Variants in TOR1A observed in about 807,000 individuals in gnomAD.
TOR1A encodes the protein torsin family 1 member A, also known as torsin-1A.
Under a neutral mutation model 31.4 loss-of-function variants are expected in TOR1A, and 18 were observed. That is an observed-to-expected ratio of 0.57 (90% CI 0.40 to 0.85). The LOEUF is 0.85. Among genes scored for constraint, TOR1A ranks in the 40% least tolerant of loss-of-function variants. The pLI is 0.00. For missense variants in TOR1A, 375 were observed against 416.4 expected (o/e 0.90, Z 0.87); for synonymous variants, 168 against 165.9 (o/e 1.01, Z -0.10).
At chr9:129,818,204 G>A (rs2031089177) in intron 4 of TOR1A, 3 of 405,616 alleles carry the variant, frequency 7.4e-6, no homozygotes, top group Non-Finnish European at 1.4e-5. Flanking sequence ...TCAGGAGGCT[G>A]AGGCACAAGA....
At position 129,823,967 on chromosome 9, in the gene TOR1A, G is replaced by A. The variant is rs901616588; in HGVS notation, c.119C>T (p.Pro40Leu). 8 of 1,611,298 alleles carry A rather than the reference G, an allele frequency of 5.0e-6. No homozygotes were observed. Among genetic ancestry groups the A allele is most frequent in the Non-Finnish European group, 5.9e-6 (7 of 1,179,514 alleles). Residue 40 changes from proline (P) to leucine (L), a missense_variant, in exon 1 of 5, where the codon CCG becomes CTG. Pro to Leu is a moderately conservative substitution (Grantham distance 98, BLOSUM62 -3). Coordinates refer to ENST00000351698, the MANE Select transcript of TOR1A (RefSeq NM_000113.3). ...CTCGGCGAAGAGGCAGTAGAGACGC[G>A]GGTAGATGTAGCCGGTGAGGACGCC... is the stretch of plus-strand genomic sequence containing the variant. ...LAGVLTGYIY[P>L]RLYCLFAECC...
chr9:129,823,873 C>G, intron 1 of TOR1A, 35 bp downstream of exon 1: 3 of 1,540,392 alleles, frequency 1.9e-6, no homozygotes, highest in Non-Finnish European at 2.6e-6. Flanking sequence ...CAGCCCCAGC[C>G]CCAGCCCCAG....
chr9:129,822,833 A>C lies in TOR1A; in HGVS notation c.192T>G (p.Asp64Glu). 1 of 1,614,198 alleles carries C rather than the reference A, an allele frequency of 6.2e-7. No individual in the cohort carries two copies. The part of the protein sequence containing the change: ...RSLSREALQK[D>E]LDDNLFGQHL... The stretch of plus-strand genomic sequence containing the variant: ...GCTGTCCAAAGAGGTTGTCGTCCAG[A>C]TCCTTCTGCAGTGCTGGGAAAGACA... Residue 64 changes from aspartate to glutamate, a missense_variant, in exon 2 of 5, where the codon GAT (aspartate) becomes GAG (glutamate). Coordinates refer to ENST00000351698, the MANE Select transcript of TOR1A (RefSeq NM_000113.3).
In TOR1A at chr9:129,822,575, C is replaced by T. The variant is rs1177959381; in HGVS notation, c.444+6G>A. 6.2e-7 allele frequency: 1 copy of T among 1,614,168 alleles called. No individual in the cohort carries two copies. Among genetic ancestry groups the T allele is most frequent in the East Asian group, 2.2e-5 (1 of 44,882 alleles). On this transcript the variant is annotated splice_donor_region_variant and intron_variant, in intron 2 of 4. Transcript: ENST00000351698. ...CCAGGAAGGGATTCCAAACTTCCATCCTTGCCTTGTACAAGGTGATGTTTG... is the reference window on the plus strand; with the variant it reads ...CCAGGAAGGGATTCCAAACTTCCATTCTTGCCTTGTACAAGGTGATGTTTG...
chr9:129,822,153 C>G (rs2031199377), intron 2 of TOR1A: 1 of 295,156 alleles, frequency 3.4e-6, no homozygotes, highest in Non-Finnish European at 6.6e-6. Context: ...GTAATCCCAG[C>G]TACCCGGGAG....
In TOR1A at chr9:129,813,591, C is replaced by A; in HGVS notation, c.*381G>T. On this transcript the variant is annotated 3_prime_UTR_variant, in exon 5 of 5. Transcript: ENST00000351698. ...CAAGGCCAACAACTTAGAATCTGAG[C>A]AGTCTCTCATAATGTTAAAAATCAT... 1.3e-5 allele frequency: 4 copies of A among 319,686 alleles called. No homozygotes were observed. The highest frequency in any genetic ancestry group is 8.3e-5 in the East Asian group (1 of 12,046). The allele number at this position is 319,686 out of a possible 1,614,324, so 19.8% of individuals were successfully genotyped here.
chr9:129,819,629 C>G (rs1349228675), intron 2 of TOR1A, among the ~76,000 whole-genome samples: 1 of 151,944 alleles, frequency 6.6e-6, no homozygotes, highest in African/African-American at 2.4e-5. Flanking sequence ...GGTATGGTGG[C>G]AGGTGCTTAT....
intron 4 of TOR1A, 127 bp from the exon 5 acceptor site, chr9:129,814,349 CCACA>C: frequency 7.1e-7 from 1 of 1,417,892 alleles, no homozygotes; most frequent in Non-Finnish European, 9.7e-7. Context: ...CCTATCCATG[CCACA>C]CACACCTACT....
At chr9:129,815,574 C>T (rs2031015590) in intron 4 of TOR1A, among the ~76,000 whole-genome samples, 2 of 152,304 alleles carry the variant, frequency 1.3e-5, no homozygotes, top group South Asian at 2.1e-4. Context: ...GACCCAGCCA[C>T]GCAGACCCAG....
At chr9:129,822,439 T>C (rs2031206445) in intron 2 of TOR1A, 142 bp downstream of exon 2, 1 of 1,198,642 alleles carries the variant, frequency 8.3e-7, no homozygotes, top group Non-Finnish European at 1.2e-6. Context: ...TCTTAACTTC[T>C]ACACCTTTCC....
In TOR1A at chr9:129,813,898, G is replaced by C; in HGVS notation, c.*74C>G. On this transcript the variant is annotated 3_prime_UTR_variant, in exon 5 of 5. Transcript: ENST00000351698. Reference sequence around the variant, plus strand: ...CCTCTTCCAGGGAAAGGAGCTGGGGGTGGAAGTGTGGAAGGACTGAGTGTT... The same window carrying C: ...CCTCTTCCAGGGAAAGGAGCTGGGGCTGGAAGTGTGGAAGGACTGAGTGTT... The C allele has an allele frequency of 1.9e-6, 3 of 1,574,028 alleles. No homozygotes were observed. The highest frequency in any genetic ancestry group is 2.6e-6 in the Non-Finnish European group (3 of 1,151,440).
At chr9:129,823,861 C>CCCAGCCCCAGCCCCAGCCCCAGCCT (rs745650234) in intron 1 of TOR1A, 47 bp downstream of exon 1, 1 of 1,532,746 alleles carries the variant, frequency 6.5e-7, no homozygotes, top group Non-Finnish European at 8.8e-7. Context: ...AGTGCCATCG[C>CCCAGCCCCAGCCCCAGCCCCAGCCT]CCAGCCCCAG....
At chr9:129,814,295 T>C in intron 4 of TOR1A, 73 bp from the exon 5 acceptor site, 1 of 1,607,246 alleles carries the variant, frequency 6.2e-7, no homozygotes, top group East Asian at 2.2e-5. Flanking sequence ...TGGGGGTCAC[T>C]TACCTACCCT....
chr9:129,818,810 A>G lies in TOR1A; in HGVS notation c.555T>C (p.Pro185=). Residue 185 remains proline (P), a synonymous_variant, in exon 3 of 5, where the codon CCT becomes CCC. Transcript: ENST00000351698. The part of the protein sequence containing the change: ...MHAGLIDAIK[P]FLDYYDLVDG... ...CCACCAGGTCATAATAGTCGAGGAA[A>G]GGCTTGATGGCATCTATGAGGCCTG... 6.2e-7 allele frequency: 1 copy of G among 1,613,850 alleles called. No homozygotes were observed. The highest frequency in any genetic ancestry group is 8.5e-7 in the Non-Finnish European group (1 of 1,180,040).
At chr9:129,821,664 T>G (rs377506152) in intron 2 of TOR1A, 2 of 149,206 alleles carry the variant, frequency 1.3e-5, no homozygotes, top group Admixed American at 1.3e-4. Context: ...GAGGCTGAGG[T>G]AGGCAGATCA....
At chr9:129,814,313 G>C (rs545979331) in intron 4 of TOR1A, 91 bp from the exon 5 acceptor site, 11 of 1,593,734 alleles carry the variant, frequency 6.9e-6, no homozygotes, top group African/African-American at 1.3e-5. Flanking sequence ...CCTCCCATCC[G>C]TCCCACAAAC....
At chr9:129,823,345 A>ACGTCTGTGGTCATGGC in intron 1 of TOR1A, 1 of 287,256 alleles carries the variant, frequency 3.5e-6, no homozygotes, top group South Asian at 3.3e-5. Flanking sequence ...TAAGTCTGGC[A>ACGTCTGTGGTCATGGC]CGTCTGTGGT....
Position 129,824,135 on chromosome 9 carries a change from G to A in TOR1A, c.-50C>T. On this transcript the variant is annotated 5_prime_UTR_variant, in exon 1 of 5. Coordinates refer to ENST00000351698, the MANE Select transcript of TOR1A (RefSeq NM_000113.3). ...GTTCTCGCGCCGACCGCGAACCGGT[G>A]CAGCCGCCAGACCCACGCTTCCGGT... 1 of 1,535,204 alleles carries A rather than the reference G, an allele frequency of 6.5e-7. No homozygotes were observed.
At position 129,822,682 on chromosome 9, in the gene TOR1A, T is replaced by C. The variant is rs376172320; in HGVS notation, c.343A>G (p.Ile115Val). The C allele has an allele frequency of 7.8e-5, 126 of 1,614,136 alleles. No homozygotes were observed. Among genetic ancestry groups the C allele is most frequent in the Non-Finnish European group, 1.1e-4 (125 of 1,180,056 alleles). Residue 115 changes from isoleucine to valine, a missense_variant, in exon 2 of 5, where the codon ATC becomes GTC. Physicochemically the swap from Ile to Val is conservative, Grantham distance 29. Transcript: ENST00000351698. ...CCACCCTCGTAAATATTCTCTGCGA[T>C]GATCTTGCTGACGAAATTTTTGCCG... Reference protein sequence around the residue: ...GTGKNFVSKIIAENIYEGGLN... With the variant: ...GTGKNFVSKIVAENIYEGGLN...
Sources: allele counts gnomAD v4.1 joint callset (sites outside exome capture counted in the v4.1 genomes callset), GRCh38; gene constraint gnomAD v4.1.1; transcripts MANE v1.5; gene names NCBI Gene and HGNC (gene_info 2026-07-23, HGNC 2026-07-21).